DMXL1: variants seen among roughly 807,000 people sequenced by gnomAD.
DMXL1 encodes Dmx like 1.
Under a neutral mutation model 319.2 loss-of-function variants are expected in DMXL1, and 99 were observed. That is an observed-to-expected ratio of 0.31 (90% CI 0.26 to 0.37). The LOEUF is 0.37. Among genes scored for constraint, DMXL1 ranks in the 10% least tolerant of loss-of-function variants. The pLI, the probability that DMXL1 is intolerant of heterozygous loss-of-function variation, is 1.00. For synonymous variants in DMXL1, 1,385 were observed against 1,235.2 expected, an observed-to-expected ratio of 1.12 and a Z score of -2.54; for missense variants, 3,745 against 3,595.6, an observed-to-expected ratio of 1.04 and a Z score of -1.06.
Position 119,116,097 on chromosome 5 carries a change from A to G in DMXL1, c.565-61A>G, listed in dbSNP as rs952510202. ...TGGGGAGAAAATTCTTACTTTTGCT[A>G]TTTGATTTAATCTTTAATTCTGATC... is the stretch of plus-strand genomic sequence containing the variant. On this transcript the variant is annotated intron_variant, in intron 6 of 43. Coordinates refer to ENST00000539542, the MANE Select transcript of DMXL1 (RefSeq NM_001290321.3). The G allele has an allele frequency of 3.2e-5, 47 of 1,470,396 alleles. No homozygotes were observed. The South Asian group carries it at 3.9e-4, about 12-fold the overall frequency. 91.1% of individuals were successfully genotyped at this position (1,470,396 alleles called of 1,614,324 possible).
intron 21 of DMXL1, 33 bp from the exon 22 acceptor site, chr5:119,166,583 C>T: frequency 1.9e-6 from 3 of 1,568,672 alleles, no homozygotes; most frequent in Non-Finnish European, 2.6e-6. Context: ...AATTGTATTC[C>T]AAAATTTTCA....
At chr5:119,182,892 T>G (rs950376279) in intron 28 of DMXL1, among the ~76,000 whole-genome samples, 1 of 152,172 alleles carries the variant, frequency 6.6e-6, no homozygotes, top group Non-Finnish European at 1.5e-5. Flanking sequence ...AAATTACTTT[T>G]TCTGCTAACA....
intron 25 of DMXL1, among the ~76,000 whole-genome samples, chr5:119,173,629 A>G (rs1214622172): frequency 1.3e-5 from 2 of 150,184 alleles, no homozygotes; most frequent in East Asian, 2.0e-4. Context: ...CAAGCCTAAT[A>G]TATTTGTCTG....
chr5:119,124,550 A>G (rs1233427131), intron 9 of DMXL1, among the ~76,000 whole-genome samples: 1 of 147,350 alleles, frequency 6.8e-6, no homozygotes, highest in East Asian at 2.0e-4. Context: ...TTCCTTTGAC[A>G]TTATGGTGAT....
chr5:119,224,376 A>G (rs1341891240), intron 37 of DMXL1, among the ~76,000 whole-genome samples: 1 of 152,008 alleles, frequency 6.6e-6, no homozygotes, highest in Non-Finnish European at 1.5e-5. Flanking sequence ...TTATTTTCAC[A>G]TGCTCCTGTC....
At chr5:119,116,075 G>T in intron 6 of DMXL1, 83 bp from the exon 7 acceptor site, 1 of 1,309,596 alleles carries the variant, frequency 7.6e-7, no homozygotes, top group East Asian at 2.4e-5. Context: ...TTGCCATTGG[G>T]GAGAAAATTC....
intron 20 of DMXL1, 66 bp from the exon 21 acceptor site, chr5:119,165,117 A>C: frequency 1.1e-6 from 1 of 951,708 alleles, no homozygotes; most frequent in Non-Finnish European, 1.6e-6. Flanking sequence ...CCAGCCTTTC[A>C]TATGAAAGAA....
At chr5:119,208,926 G>T (rs905582785) in intron 34 of DMXL1, among the ~76,000 whole-genome samples, 1 of 151,808 alleles carries the variant, frequency 6.6e-6, no homozygotes, top group Non-Finnish European at 1.5e-5. Flanking sequence ...TTCATTTGTT[G>T]TTTTCTGGAA....
chr5:119,232,761 G>A (rs1787007547), intron 38 of DMXL1, among the ~76,000 whole-genome samples: 1 of 151,330 alleles, frequency 6.6e-6, no homozygotes, highest in South Asian at 2.1e-4. Flanking sequence ...ATCACTTGAG[G>A]CCAAGAGTTA....
At chr5:119,118,692 T>C in intron 7 of DMXL1, 123 bp from the exon 8 acceptor site, 1 of 705,836 alleles carries the variant, frequency 1.4e-6, no homozygotes, top group Non-Finnish European at 2.4e-6. Flanking sequence ...AATCTGTACA[T>C]ATTGATATTT....
At chr5:119,146,700 A>G in intron 15 of DMXL1, 137 bp from the exon 16 acceptor site, 1 of 711,822 alleles carries the variant, frequency 1.4e-6, no homozygotes, top group Non-Finnish European at 2.2e-6. Context: ...ATATTTTATA[A>G]TACCACTTGT....
rs114778033 is a variant in DMXL1, at chr5:119,199,146, C to G, written c.7745+1190C>G. On this transcript the variant is annotated intron_variant, in intron 32 of 43. Transcript: ENST00000539542. ...CAAGCAGTCCGCCTGTCACAGCCCC[C>G]CAAAGTGCTGGGATTTTAGCTGTGA... Among the ~76,000 whole-genome samples, 296 of 152,274 alleles carry G rather than the reference C, an allele frequency of 1.9e-3. 1 individual carries two copies. The highest frequency in any genetic ancestry group is 6.5e-3 in the African/African-American group (269 of 41,566).
intron 28 of DMXL1, among the ~76,000 whole-genome samples, chr5:119,185,690 A>G (rs997951745): frequency 2.0e-5 from 3 of 151,864 alleles, no homozygotes; most frequent in Non-Finnish European, 4.4e-5. Context: ...TTTAGTAGAG[A>G]TGAGGTTTTG....
In DMXL1 at chr5:119,173,230, T is replaced by A. The variant is rs183569792; in HGVS notation, c.6681+1261T>A. Among the ~76,000 whole-genome samples the A allele has an allele frequency of 3.9e-3, 593 of 151,774 alleles. 9 individuals are homozygous for A. Among genetic ancestry groups the A allele is most frequent in the South Asian group, 0.026 (127 of 4,808 alleles). On this transcript the variant is annotated intron_variant, in intron 25 of 43. Coordinates refer to ENST00000539542, the MANE Select transcript of DMXL1 (RefSeq NM_001290321.3). ...TGGCACATGCCTATAATCTCAGGTG[T>A]TTGGGAGGCTGAGGCAGGAGAATCA... is the stretch of plus-strand genomic sequence containing the variant.
At chr5:119,077,839 G>A (rs1263550550) in intron 1 of DMXL1, among the ~76,000 whole-genome samples, 40 of 132,610 alleles carry the variant, frequency 3.0e-4, no homozygotes, top group Middle Eastern at 4.2e-3. Context: ...AAATATATAC[G>A]TGTGTGTGTG....
At position 119,134,349 on chromosome 5, in the gene DMXL1, C is replaced by T; in HGVS notation, c.2336C>T (p.Ala779Val). The change falls in exon 13 of 44, where the codon GCT (alanine) becomes GTT (valine). Residue 779 changes from alanine to valine, a missense_variant. Coordinates refer to ENST00000539542, the MANE Select transcript of DMXL1 (RefSeq NM_001290321.3). ...AGATTATATGAAGCAGTTATTGATG[C>T]TAAGAAACTTTTATCTGAGCTTTCT... is the stretch of plus-strand genomic sequence containing the variant. ...YLRLYEAVID[A>V]KKLLSELSNP... 6.2e-7 allele frequency: 1 copy of T among 1,613,310 alleles called. No homozygotes were observed. The highest frequency in any genetic ancestry group is 8.5e-7 in the Non-Finnish European group (1 of 1,179,728).
At chr5:119,237,708 G>A (rs1004939707) in intron 40 of DMXL1, among the ~76,000 whole-genome samples, 2 of 151,898 alleles carry the variant, frequency 1.3e-5, no homozygotes, top group African/African-American at 4.8e-5. Context: ...CACTAAACTG[G>A]TTATTATATT....
chr5:119,226,307 T>G (rs974424690), intron 38 of DMXL1, among the ~76,000 whole-genome samples: 2 of 152,178 alleles, frequency 1.3e-5, no homozygotes, highest in African/African-American at 4.8e-5. Context: ...AGGTAGTAAT[T>G]TAGTTTGATA....
chr5:119,161,280 C>A (rs1772212343), intron 19 of DMXL1, among the ~76,000 whole-genome samples: 1 of 152,220 alleles, frequency 6.6e-6, no homozygotes, highest in South Asian at 2.1e-4. Flanking sequence ...AGACCACTGG[C>A]TGGTCTCTGC....
Sources: gnomAD v4.1 joint callset for allele counts (sites outside exome capture counted in the v4.1 genomes callset) on GRCh38, gnomAD v4.1.1 for gene constraint, MANE v1.5 for transcripts, NCBI Gene and HGNC (gene_info 2026-07-23, HGNC 2026-07-21) for gene names.